Variants in RPL23 observed in about 807,000 individuals in gnomAD.
RPL23 encodes the protein large ribosomal subunit protein uL14.
For missense variants in RPL23, 79 were observed against 178.8 expected (o/e 0.44, Z 3.18); for synonymous variants, 63 against 65.3 (o/e 0.97, Z 0.17).
At chr17:38,851,348 C>T (rs981008007) in intron 3 of RPL23, 9 of 152,190 alleles carry the variant, frequency 5.9e-5, no homozygotes, top group African/African-American at 2.2e-4. Flanking sequence ...CCATTTAATC[C>T]TCACAAATTC....
chr17:38,852,826 C>T (rs1453467822), intron 2 of RPL23, 94 bp from the exon 3 acceptor site: 7 of 1,562,874 alleles, frequency 4.5e-6, no homozygotes, highest in Non-Finnish European at 6.2e-6. Flanking sequence ...AAGCCCCTCC[C>T]TCCACTCACT....
Position 38,849,749 on chromosome 17 carries a change from T to C in RPL23, c.*383A>G, listed in dbSNP as rs1912949403. 6.1e-6 allele frequency: 1 copy of C among 164,902 alleles called. No homozygotes were observed. The highest frequency in any genetic ancestry group is 2.4e-5 in the African/African-American group (1 of 41,710). The allele number at this position is 164,902 out of a possible 1,614,324, so 10.2% of individuals were successfully genotyped here. On this transcript the variant is annotated 3_prime_UTR_variant, in exon 5 of 5. Transcript: ENST00000479035. ...CAAATAATACTTTTTGAGGCCAAAA[T>C]TGTAAATACAGCAATTGGAAGATGC...
At chr17:38,852,461 T>C (rs1004963868) in intron 3 of RPL23, 143 bp downstream of exon 3, 2 of 1,007,874 alleles carry the variant, frequency 2.0e-6, no homozygotes, top group African/African-American at 3.2e-5. Flanking sequence ...CAACACAATA[T>C]GAGCAAAAAC....
At position 38,850,488 on chromosome 17, in the gene RPL23, A is replaced by G. The variant is rs1912969199; in HGVS notation, c.227-13T>C. 1 of 1,587,768 alleles carries G rather than the reference A, an allele frequency of 6.3e-7. No individual in the cohort carries two copies. Among genetic ancestry groups the G allele is most frequent in the African/African-American group, 1.3e-5 (1 of 74,340 alleles). ...ACTGCTGGATGTACTGAGAGAAGAA[A>G]AAAGGACAGCAGTCATTAACCTGTC... On this transcript the variant is annotated splice_polypyrimidine_tract_variant and intron_variant, in intron 3 of 4. Transcript: ENST00000479035.
chr17:38,848,906 C>G lies in RPL23; in HGVS notation c.*1226G>C, dbSNP rs567657637. On this transcript the variant is annotated 3_prime_UTR_variant, in exon 5 of 5. Transcript: ENST00000479035. ...AAACCCTGTTTAGTCCACTTCCCTC[C>G]AAATTATTGTTCTAAACAAACACCC... The G allele has an allele frequency of 6.6e-6, 1 of 152,162 alleles. No homozygotes were observed. The highest frequency in any genetic ancestry group is 1.5e-5 in the Non-Finnish European group (1 of 68,030). 9.4% of individuals were successfully genotyped at this position (152,162 alleles called of 1,614,324 possible).
chr17:38,852,772 C>T, intron 2 of RPL23, 40 bp from the exon 3 acceptor site: 1 of 1,613,580 alleles, frequency 6.2e-7, no homozygotes, highest in Non-Finnish European at 8.5e-7. Flanking sequence ...ATGTTGAGGG[C>T]CATCAGGCCG....
chr17:38,850,519 G>A lies in RPL23; in HGVS notation c.227-44C>T, dbSNP rs1045099557. 1.0e-5 allele frequency: 14 copies of A among 1,351,202 alleles called. No individual in the cohort carries two copies. The African/African-American group carries it at 1.2e-4, about 11-fold the overall frequency. 83.7% of individuals were successfully genotyped at this position (1,351,202 alleles called of 1,614,324 possible). A position where few individuals can be genotyped will look rare whatever the true frequency, so the allele number is the denominator to read the frequency against. On this transcript the variant is annotated intron_variant, in intron 3 of 4. Coordinates refer to ENST00000479035, the MANE Select transcript of RPL23 (RefSeq NM_000978.4). Reference sequence around the variant, plus strand: ...ACAGCAGTCATTAACCTGTCAAGTCGCAGTGCCACCACAAAAGCAGTTTCC... The same window carrying A: ...ACAGCAGTCATTAACCTGTCAAGTCACAGTGCCACCACAAAAGCAGTTTCC...
intron 3 of RPL23, 49 bp downstream of exon 3, chr17:38,852,555 C>T (rs761243230): frequency 2.1e-5 from 34 of 1,590,590 alleles, no homozygotes; most frequent in Admixed American, 3.5e-5. Context: ...TAAAGGAAAG[C>T]GTCCCCCCAC....
rs113802506 is a variant in RPL23 at position 38,850,283 on chromosome 17, C to G, written c.341-69G>C. 4 of 1,551,240 alleles carry G rather than the reference C, an allele frequency of 2.6e-6. No individual in the cohort carries two copies. The East Asian group carries it at 6.7e-5, about 26-fold the overall frequency. On this transcript the variant is annotated intron_variant, in intron 4 of 4. Coordinates refer to ENST00000479035, the MANE Select transcript of RPL23 (RefSeq NM_000978.4). ...GGACAGATTAAGACATCGTCAAACA[C>G]AGAAGATCCTTGGCCTGTACTTCTA...
In RPL23 at chr17:38,849,519, G is replaced by A. The variant is rs1438578976; in HGVS notation, c.*613C>T. The A allele has an allele frequency of 6.6e-6, 1 of 152,072 alleles. No homozygotes were observed. The highest frequency in any genetic ancestry group is 1.5e-5 in the Non-Finnish European group (1 of 68,020). The allele number at this position is 152,072 out of a possible 1,614,324, so 9.4% of individuals were successfully genotyped here. On this transcript the variant is annotated 3_prime_UTR_variant, in exon 5 of 5. Transcript: ENST00000479035. ...CGCCCAGCTAATTTTTGTATTTTTAGAAAAGAGGAGGTTTCACCACGTTGG... is the reference window on the plus strand; with the variant it reads ...CGCCCAGCTAATTTTTGTATTTTTAAAAAAGAGGAGGTTTCACCACGTTGG...
intron 2 of RPL23, 132 bp from the exon 3 acceptor site, chr17:38,852,864 C>CTTGTCACACCA (rs1476058814): frequency 7.1e-7 from 1 of 1,406,122 alleles, no homozygotes; most frequent in East Asian, 2.3e-5. Context: ...GCAAGAACGC[C>CTTGTCACACCA]TTGTCACACC....
intron 3 of RPL23, chr17:38,852,387 A>G (rs1009118991): frequency 7.0e-6 from 4 of 572,724 alleles, no homozygotes; most frequent in African/African-American, 1.9e-5. Flanking sequence ...AAAACAAAAC[A>G]AAACAAAAAC....
Position 38,848,172 on chromosome 17 carries a change from C to G in RPL23, c.*1960G>C. 1 of 1,166,128 alleles carries G rather than the reference C, an allele frequency of 8.6e-7. No individual in the cohort carries two copies. Among genetic ancestry groups the G allele is most frequent in the Non-Finnish European group, 1.1e-6 (1 of 899,580 alleles). The allele number at this position is 1,166,128 out of a possible 1,614,324, so 72.2% of individuals were successfully genotyped here. On this transcript the variant is annotated 3_prime_UTR_variant, in exon 5 of 5. Coordinates refer to ENST00000479035, the MANE Select transcript of RPL23 (RefSeq NM_000978.4). ...ATGGTGGGCCTAGGGGCTTGTCACA[C>G]TAAAGCTGACTTGAAATTGACCATA...
intron 1 of RPL23, 21 bp from the exon 2 acceptor site, chr17:38,853,126 GA>G: frequency 6.3e-7 from 1 of 1,590,652 alleles, no homozygotes; most frequent in Non-Finnish European, 8.6e-7. Flanking sequence ...AAAGGGAAGG[GA>G]AACAGGATAA....
intron 1 of RPL23, chr17:38,853,475 G>A (rs1285490202): frequency 4.2e-6 from 3 of 721,332 alleles, no homozygotes; most frequent in Non-Finnish European, 7.7e-6. Flanking sequence ...GAGCGATCTC[G>A]CGGTATCCAG....
intron 1 of RPL23, 93 bp downstream of exon 1, chr17:38,853,605 A>G: frequency 1.3e-6 from 2 of 1,516,526 alleles, no homozygotes; most frequent in Non-Finnish European, 1.8e-6. Flanking sequence ...AAGGAGAGCA[A>G]AGCGCCCCAG....
intron 3 of RPL23, 33 bp downstream of exon 3, chr17:38,852,571 A>G (rs144954772): frequency 2.5e-5 from 40 of 1,610,918 alleles, no homozygotes; most frequent in African/African-American, 1.2e-4. Flanking sequence ...CCCACTACTC[A>G]TCAGTATTAA....
chr17:38,853,713 T>C lies in RPL23; in HGVS notation c.-3A>G, dbSNP rs1913074106. The C allele has an allele frequency of 3.1e-6, 5 of 1,614,072 alleles. No individual in the cohort carries two copies. The highest frequency in any genetic ancestry group is 4.2e-6 in the Non-Finnish European group (5 of 1,180,022). On this transcript the variant is annotated 5_prime_UTR_variant, in exon 1 of 5. Coordinates refer to ENST00000479035, the MANE Select transcript of RPL23 (RefSeq NM_000978.4). ...AAAACCTCACCTCGCTTCGACATCT[T>C]GAACGCCGGAAAAAAGAAAAAAGGA...
intron 3 of RPL23, chr17:38,851,639 AG>A (rs1219605433): frequency 1.3e-5 from 2 of 152,244 alleles, no homozygotes; most frequent in Non-Finnish European, 2.9e-5. Flanking sequence ...AATCAGACCC[AG>A]GAAGTGTTCT....
Sources: gnomAD v4.1 joint callset for allele counts on GRCh38, gnomAD v4.1.1 for gene constraint, MANE v1.5 for transcripts, NCBI Gene and HGNC (gene_info 2026-07-23, HGNC 2026-07-21) for gene names.